The following SMAP1 variants were observed in gnomAD, a reference collection of about 807,000 sequenced individuals.
SMAP1 encodes small ArfGAP 1.
A neutral mutation model predicts 58.5 loss-of-function variants in SMAP1; 24 were observed. The ratio of observed to expected loss-of-function variants is 0.41; its 90% CI spans 0.30 to 0.58. The LOEUF (loss-of-function observed/expected upper bound fraction) is 0.58, where lower values mean the gene tolerates loss of function less well. Ranked by LOEUF, SMAP1 falls within the 20% of genes least tolerant of loss-of-function variation. The pLI is 0.29. For missense variants in SMAP1, 563 were observed against 566.3 expected (o/e 0.99, Z 0.06); for synonymous variants, 216 against 196.6 (o/e 1.10, Z -0.82).
chr6:70,811,967 G>A (rs1036604040), intron 6 of SMAP1, among the ~76,000 whole-genome samples: 2 of 152,148 alleles, frequency 1.3e-5, no homozygotes, highest in African/African-American at 4.8e-5. Flanking sequence ...GGTGGGTAGC[G>A]TATAAAGCGT....
chr6:70,859,321 A>G, intron 10 of SMAP1: 6 of 1,544,470 alleles, frequency 3.9e-6, no homozygotes, highest in Non-Finnish European at 5.2e-6. Context: ...ACTGGCTCTT[A>G]CTTCCAGATA....
chr6:70,757,144 C>T (rs1246849073), intron 3 of SMAP1, among the ~76,000 whole-genome samples: 2 of 151,886 alleles, frequency 1.3e-5, no homozygotes, highest in African/African-American at 2.4e-5. Flanking sequence ...GTAACCAAAA[C>T]AGCATGGTAC....
rs564957277 is a variant in SMAP1 at position 70,697,329 on chromosome 6, A to G, written c.118+29188A>G. On this transcript the variant is annotated intron_variant, in intron 1 of 10. Coordinates refer to ENST00000370455, the MANE Select transcript of SMAP1 (RefSeq NM_001044305.3). ...TATTCCTTTTTTTTTTTTTGAGACA[A>G]GAGTCTCACACCATTGCTGGGGCTG... Among the ~76,000 whole-genome samples the G allele has an allele frequency of 2.7e-5, 4 of 150,562 alleles. No individual in the cohort carries two copies. The South Asian group carries it at 8.4e-4, about 32-fold the overall frequency.
intron 4 of SMAP1, among the ~76,000 whole-genome samples, chr6:70,782,498 A>T (rs754005446): frequency 1.3e-5 from 2 of 152,240 alleles, no homozygotes; most frequent in Non-Finnish European, 1.5e-5. Flanking sequence ...ATAAGACAAC[A>T]TGTGATAAAA....
intron 2 of SMAP1, among the ~76,000 whole-genome samples, chr6:70,744,935 A>AT (rs1278922548): frequency 1.2e-4 from 18 of 152,274 alleles, no homozygotes; most frequent in African/African-American, 3.9e-4. Context: ...GATAATGAGC[A>AT]TTTTTTCATG....
At chr6:70,853,888 T>A (rs1771283291) in intron 8 of SMAP1, among the ~76,000 whole-genome samples, 1 of 152,234 alleles carries the variant, frequency 6.6e-6, no homozygotes, top group Non-Finnish European at 1.5e-5. Flanking sequence ...AAGCCATTTA[T>A]TTTTAGTCTA....
chr6:70,752,566 C>T (rs1766322660), intron 2 of SMAP1, among the ~76,000 whole-genome samples: 1 of 151,996 alleles, frequency 6.6e-6, no homozygotes, highest in South Asian at 2.1e-4. Context: ...TTTTTTCCTG[C>T]TACTTACTGG....
At position 70,829,436 on chromosome 6, in the gene SMAP1, A is replaced by G. The variant is rs573579407; in HGVS notation, c.577-7505A>G. ...TTTTTTTAAATTGCAGTTTTCTGTTATGTCATTGTAAGAATATGCATGTAT... is the reference window on the plus strand; with the variant it reads ...TTTTTTTAAATTGCAGTTTTCTGTTGTGTCATTGTAAGAATATGCATGTAT... On this transcript the variant is annotated intron_variant, in intron 6 of 10. Transcript: ENST00000370455. Among the ~76,000 whole-genome samples, 287 of 152,140 alleles carry G rather than the reference A, an allele frequency of 1.9e-3. 1 individual carries two copies. Among genetic ancestry groups the G allele is most frequent in the Non-Finnish European group, 2.9e-3 (197 of 67,986 alleles).
At chr6:70,695,588 G>T (rs1447960672) in intron 1 of SMAP1, among the ~76,000 whole-genome samples, 2 of 152,120 alleles carry the variant, frequency 1.3e-5, no homozygotes, top group African/African-American at 2.4e-5. Context: ...TATCACATTG[G>T]TTAATTTGCA....
At chr6:70,786,631 A>G (rs946060696) in intron 4 of SMAP1, among the ~76,000 whole-genome samples, 33 of 152,300 alleles carry the variant, frequency 2.2e-4, no homozygotes, top group African/African-American at 7.7e-4. Flanking sequence ...TCAGTGTACA[A>G]AAATCACAAG....
intron 2 of SMAP1, among the ~76,000 whole-genome samples, chr6:70,747,922 A>G (rs1766111607): frequency 6.6e-6 from 1 of 152,216 alleles, no homozygotes; most frequent in Admixed American, 6.5e-5. Flanking sequence ...ATTCCACATC[A>G]TCATTAAAAA....
intron 4 of SMAP1, among the ~76,000 whole-genome samples, chr6:70,784,836 T>C (rs189297608): frequency 6.6e-6 from 1 of 152,198 alleles, no homozygotes; most frequent in East Asian, 1.9e-4. Context: ...AGACTTAGAC[T>C]CCCACACAAT....
rs762393669 is a variant in SMAP1, at chr6:70,861,954, ATGACT to A, written c.*1624_*1628del. 1 of 1,613,472 alleles carries A rather than the reference ATGACT, an allele frequency of 6.2e-7. No homozygotes were observed. Among genetic ancestry groups the A allele is most frequent in the Non-Finnish European group, 8.5e-7 (1 of 1,179,526 alleles). On this transcript the variant is annotated 3_prime_UTR_variant, in exon 11 of 11. Transcript: ENST00000370455. The stretch of plus-strand genomic sequence containing the variant: ...AAATACAGCTTTTGGATTGGACAAA[ATGACT>A]TGAAGACTTACAGCAAATCCTTTGT...
chr6:70,757,705 C>T (rs1037413812), intron 3 of SMAP1, among the ~76,000 whole-genome samples: 142 of 152,140 alleles, frequency 9.3e-4, no homozygotes, highest in African/African-American at 2.1e-3. Flanking sequence ...AAAAAGTGGG[C>T]GAAGGACATG....
intron 1 of SMAP1, among the ~76,000 whole-genome samples, chr6:70,677,166 CAT>C (rs1378592141): frequency 6.8e-6 from 1 of 147,148 alleles, no homozygotes. Context: ...GTTTTGTCTT[CAT>C]ATATATATAT....
intron 6 of SMAP1, among the ~76,000 whole-genome samples, chr6:70,806,695 T>C (rs1368264930): frequency 6.6e-6 from 1 of 152,238 alleles, no homozygotes; most frequent in Non-Finnish European, 1.5e-5. Flanking sequence ...ATTAGTTTTT[T>C]CAAGTCAAAT....
At chr6:70,739,582 T>G (rs1765738683) in intron 2 of SMAP1, among the ~76,000 whole-genome samples, 1 of 152,148 alleles carries the variant, frequency 6.6e-6, no homozygotes, top group Non-Finnish European at 1.5e-5. Flanking sequence ...ATGGTATGCT[T>G]CTTCAGTATG....
intron 6 of SMAP1, among the ~76,000 whole-genome samples, chr6:70,816,303 C>T (rs911382424): frequency 6.6e-6 from 1 of 151,964 alleles, no homozygotes; most frequent in Non-Finnish European, 1.5e-5. Flanking sequence ...CCTTAAATTT[C>T]GTGATAAATA....
chr6:70,788,092 C>T (rs1220287593), intron 4 of SMAP1, among the ~76,000 whole-genome samples: 3 of 151,450 alleles, frequency 2.0e-5, no homozygotes, highest in African/African-American at 7.3e-5. Flanking sequence ...AAATGTGGCG[C>T]ATATACACCA....
Sources: allele counts gnomAD v4.1 joint callset (sites outside exome capture counted in the v4.1 genomes callset), GRCh38; gene constraint gnomAD v4.1.1; transcripts MANE v1.5; gene names NCBI Gene and HGNC (gene_info 2026-07-23, HGNC 2026-07-21).